Variants in SEMA5A observed in about 807,000 individuals in gnomAD.
SEMA5A encodes semaphorin 5A, also known as semaphorin-5A.
In SEMA5A, 55 loss-of-function variants were observed where a neutral mutation model predicts 135.5. The ratio of observed to expected loss-of-function variants is 0.41; its 90% confidence interval spans 0.33 to 0.51. SEMA5A has a LOEUF of 0.51. SEMA5A is among the 20% of genes least tolerant of loss of function. The pLI, the probability that SEMA5A is intolerant of heterozygous loss-of-function variation, is 0.37. For missense variants in SEMA5A, 1,290 were observed against 1,419.9 expected, an observed-to-expected ratio of 0.91 and a Z score of 1.47; for synonymous variants, 580 against 546.5, an observed-to-expected ratio of 1.06 and a Z score of -0.85.
At chr5:9,498,263 G>T (rs973539461) in intron 1 of SEMA5A, 3 of 152,062 alleles carry the variant, frequency 2.0e-5, no homozygotes, top group Admixed American at 2.0e-4. Context: ...ACCATCCTGG[G>T]GCCAGGCACC....
chr5:9,430,769 C>A (rs1579528506), intron 2 of SEMA5A, among the ~76,000 whole-genome samples: 1 of 151,640 alleles, frequency 6.6e-6, no homozygotes, highest in Non-Finnish European at 1.5e-5. Context: ...TCAGACTGGG[C>A]TCAAAATAAA....
chr5:9,229,337 T>C (rs1463088249), intron 6 of SEMA5A, among the ~76,000 whole-genome samples: 1 of 152,194 alleles, frequency 6.6e-6, no homozygotes, highest in Admixed American at 6.5e-5. Context: ...TTTGTTTTTA[T>C]TCCTGGGGAA....
intron 15 of SEMA5A, among the ~76,000 whole-genome samples, chr5:9,109,649 G>C (rs1437411445): frequency 6.6e-6 from 1 of 152,148 alleles, no homozygotes; most frequent in African/African-American, 2.4e-5. Context: ...GTGTAAGTCA[G>C]TCACCTTTAT....
chr5:9,182,609 C>T (rs1273397896), intron 11 of SEMA5A, among the ~76,000 whole-genome samples: 2 of 151,962 alleles, frequency 1.3e-5, no homozygotes, highest in Non-Finnish European at 2.9e-5. Context: ...TGCCTATCTT[C>T]TGGCTGAGCA....
intron 2 of SEMA5A, among the ~76,000 whole-genome samples, chr5:9,429,984 G>A (rs138557804): frequency 6.6e-6 from 1 of 152,336 alleles, no homozygotes; most frequent in Non-Finnish European, 1.5e-5. Flanking sequence ...CAGAAGCAGC[G>A]AGACGGCCGG....
chr5:9,153,345 G>C (rs1056138299), intron 12 of SEMA5A, among the ~76,000 whole-genome samples: 1 of 152,220 alleles, frequency 6.6e-6, no homozygotes, highest in Non-Finnish European at 1.5e-5. Context: ...CAATCTCCCG[G>C]AGTAAAGTGC....
In SEMA5A at chr5:9,345,547, C is replaced by A. The variant is rs564977118; in HGVS notation, c.125-7735G>T. ...ATGTAAAAAAAAAAAAAAAAGTGGT[C>A]TGTACCAGGCTGACCACATTATCTG... On this transcript the variant is annotated intron_variant, in intron 3 of 22. Transcript: ENST00000382496. Among the ~76,000 whole-genome samples the A allele has an allele frequency of 3.5e-3, 509 of 145,732 alleles. 2 individuals carry two copies. Among genetic ancestry groups the A allele is most frequent in the Middle Eastern group, 0.015 (4 of 266 alleles).
rs1175042458 is a variant in SEMA5A at position 9,545,662 on chromosome 5, C to T, written c.-253G>A. On this transcript the variant is annotated 5_prime_UTR_variant, in exon 1 of 23. Coordinates refer to ENST00000382496, the MANE Select transcript of SEMA5A (RefSeq NM_003966.3). This position sits in a 1 kb window ranked among gnomAD's most constrained non-coding sequence, Gnocchi z 4.5. ...TCCGAGGATCCTCTTCAGCACCTGG[C>T]TAGGGAAGTGGAGGCAGCAGCTGCA... is the stretch of plus-strand genomic sequence containing the variant. 1.3e-5 allele frequency: 2 copies of T among 152,288 alleles called. No homozygotes were observed. Among genetic ancestry groups the T allele is most frequent in the Non-Finnish European group, 2.9e-5 (2 of 68,140 alleles). 9.4% of individuals were successfully genotyped at this position (152,288 alleles called of 1,614,324 possible).
At chr5:9,134,455 C>T (rs138798021) in intron 13 of SEMA5A, among the ~76,000 whole-genome samples, 14 of 152,286 alleles carry the variant, frequency 9.2e-5, no homozygotes, top group African/African-American at 2.9e-4. Flanking sequence ...GCCAACTCTC[C>T]ATTTAATGAC....
intron 15 of SEMA5A, among the ~76,000 whole-genome samples, chr5:9,114,475 G>C (rs1419309319): frequency 6.6e-6 from 1 of 152,130 alleles, no homozygotes. Flanking sequence ...TTGTGTGTGT[G>C]TGTGTAAAAG....
rs70943946 is a variant in SEMA5A at position 9,197,728 on chromosome 5, T to TTGTGTGTG, written c.933-433_933-426dup. Among the ~76,000 whole-genome samples, 61 of 59,290 alleles carry TTGTGTGTG rather than the reference T, an allele frequency of 1.0e-3. 1 individual carries two copies. Among genetic ancestry groups the TTGTGTGTG allele is most frequent in the African/African-American group, 3.9e-3 (52 of 13,396 alleles). 38.9% of individuals were successfully genotyped at this position (59,290 alleles called of 152,430 possible). A position where few individuals can be genotyped will look rare whatever the true frequency, so the allele number is the denominator to read the frequency against. ...TTTGCCCAGCAGCAGGGAAAGCTGT[T>TTGTGTGTG]TGTGTGTGTGTGTGTGTGTGTGTGT... On this transcript the variant is annotated intron_variant, in intron 9 of 22. Transcript: ENST00000382496.
At chr5:9,121,616 C>A (rs550893636) in intron 14 of SEMA5A, among the ~76,000 whole-genome samples, 9 of 152,280 alleles carry the variant, frequency 5.9e-5, no homozygotes, top group South Asian at 4.1e-4. Context: ...ACCCAGGCAT[C>A]TGTGGAAATC....
At chr5:9,527,849 T>C (rs191698939) in intron 1 of SEMA5A, among the ~76,000 whole-genome samples, 42 of 152,264 alleles carry the variant, frequency 2.8e-4, no homozygotes, top group African/African-American at 9.9e-4. Flanking sequence ...GCAACCTGGA[T>C]CCAAAATCTG....
intron 4 of SEMA5A, among the ~76,000 whole-genome samples, chr5:9,335,671 C>G (rs1753356988): frequency 6.6e-6 from 1 of 152,210 alleles, no homozygotes; most frequent in Non-Finnish European, 1.5e-5. Context: ...AGCTCATTTT[C>G]CCTCAGGGTG....
intron 16 of SEMA5A, among the ~76,000 whole-genome samples, chr5:9,080,050 T>C (rs1201621235): frequency 6.6e-6 from 1 of 152,202 alleles, no homozygotes; most frequent in Non-Finnish European, 1.5e-5. Context: ...TTACTGGGTA[T>C]ATATCCAAAG....
intron 1 of SEMA5A, among the ~76,000 whole-genome samples, chr5:9,470,251 G>A (rs1012608475): frequency 9.2e-5 from 14 of 152,144 alleles, no homozygotes; most frequent in African/African-American, 3.4e-4. Context: ...TTTCAGAAGT[G>A]GGAAATTCCT....
chr5:9,362,238 C>T (rs1579414344), intron 3 of SEMA5A, among the ~76,000 whole-genome samples: 2 of 152,140 alleles, frequency 1.3e-5, no homozygotes, highest in African/African-American at 2.4e-5. Context: ...GTTTATAAGC[C>T]CCAGCCCCCA....
At chr5:9,370,411 A>G (rs189054934) in intron 3 of SEMA5A, among the ~76,000 whole-genome samples, 1 of 152,310 alleles carries the variant, frequency 6.6e-6, no homozygotes, top group African/African-American at 2.4e-5. Context: ...TTGGTGCTTT[A>G]GCACACAACA....
At chr5:9,387,551 AG>A (rs1227326701) in intron 2 of SEMA5A, among the ~76,000 whole-genome samples, 1 of 152,232 alleles carries the variant, frequency 6.6e-6, no homozygotes, top group African/African-American at 2.4e-5. Context: ...AAGAGGTTCA[AG>A]TAGAGCGTTC....
Sources: gnomAD v4.1 joint callset for allele counts (sites outside exome capture counted in the v4.1 genomes callset) on GRCh38, gnomAD v4.1.1 for gene constraint, Gnocchi (gnomAD v3.1) non-coding constraint, MANE v1.5 for transcripts, NCBI Gene and HGNC (gene_info 2026-07-23, HGNC 2026-07-21) for gene names.